FRMPD4: variants seen among roughly 807,000 people sequenced by gnomAD.
FRMPD4 encodes FERM and PDZ domain containing 4.
Under a neutral mutation model 94.1 loss-of-function variants are expected in FRMPD4, and 22 were observed. The observed-to-expected ratio is 0.23, with a 90% CI of 0.17 to 0.33. The LOEUF (loss-of-function observed/expected upper bound fraction) is 0.33. FRMPD4 is among the 10% of genes least tolerant of loss of function. The probability of loss-of-function intolerance (pLI) is 1.00; values close to 1 mark genes in which losing one functional copy is unlikely to be tolerated. For missense variants in FRMPD4, 1,111 were observed against 1,339.9 expected (o/e 0.83, Z 2.67); for synonymous variants, 631 against 548.6 (o/e 1.15, Z -2.10).
intron 1 of FRMPD4, among the ~76,000 whole-genome samples, chrX:12,400,377 G>C (rs922179167): frequency 1.8e-5 from 2 of 112,073 alleles, no homozygotes; most frequent in Admixed American, 9.4e-5. Context: ...CCAACTGGCA[G>C]AGTGCTAAGC....
chrX:12,032,327 C>T (rs1030721345), intron 3 of FRMPD4, among the ~76,000 whole-genome samples: 1 of 111,878 alleles, frequency 8.9e-6, no homozygotes, highest in Non-Finnish European at 1.9e-5. Context: ...AGAACTCCTA[C>T]GCTTGTACAG....
At position 12,300,260 on chromosome X, in the gene FRMPD4, T is replaced by C. The variant is rs1601794605; in HGVS notation, c.41+161248T>C. On this transcript the variant is annotated intron_variant, in intron 1 of 16. Coordinates refer to ENST00000675598, the MANE Select transcript of FRMPD4 (RefSeq NM_001368397.1). ...TGACAAGGAGAAGGACAATGGAAGG[T>C]GGGAAGGGCATTCTCTGACTGAGTT... Among the ~76,000 whole-genome samples, 5 of 111,484 alleles carry C rather than the reference T, an allele frequency of 4.5e-5. No individual in the cohort carries two copies. In the East Asian group the frequency reaches 1.4e-3, roughly 32 times the overall value.
At chrX:12,121,564 C>T (rs2055454458) in intron 3 of FRMPD4, among the ~76,000 whole-genome samples, 1 of 111,659 alleles carries the variant, frequency 9.0e-6, no homozygotes, top group Non-Finnish European at 1.9e-5. Flanking sequence ...TTGCATAAGG[C>T]GATCTGAGCA....
intron 4 of FRMPD4, among the ~76,000 whole-genome samples, chrX:12,625,118 A>G (rs1201459407): frequency 8.9e-6 from 1 of 111,960 alleles, no homozygotes; most frequent in Non-Finnish European, 1.9e-5. Flanking sequence ...GGCTTTTATT[A>G]AAAGACAGGC....
At chrX:11,996,091 G>T (rs755272652) in intron 3 of FRMPD4, among the ~76,000 whole-genome samples, 1 of 111,082 alleles carries the variant, frequency 9.0e-6, no homozygotes, top group East Asian at 2.8e-4. Context: ...AGATTTGGTT[G>T]TCTAGATAGG....
At chrX:12,549,706 C>T (rs922244289) in intron 2 of FRMPD4, among the ~76,000 whole-genome samples, 1 of 111,938 alleles carries the variant, frequency 8.9e-6, no homozygotes, top group African/African-American at 3.2e-5. Context: ...ACCAATAGAC[C>T]AGTATTTCCC....
chrX:12,351,086 A>C (rs1377778663), intron 1 of FRMPD4, among the ~76,000 whole-genome samples: 3 of 109,438 alleles, frequency 2.7e-5, no homozygotes, highest in Non-Finnish European at 5.7e-5. Flanking sequence ...GTGGGAGAAC[A>C]GCTTGAACCA....
chrX:12,391,736 T>TAGAGCAGGAGCTTC (rs2056477545), intron 1 of FRMPD4, among the ~76,000 whole-genome samples: 2 of 110,574 alleles, frequency 1.8e-5, no homozygotes, highest in Non-Finnish European at 3.8e-5. Flanking sequence ...CTCCTCAGGG[T>TAGAGCAGGAGCTTC]TGAGGAGCTT....
intron 1 of FRMPD4, among the ~76,000 whole-genome samples, chrX:12,434,634 A>G (rs1016434194): frequency 6.2e-5 from 7 of 112,251 alleles, no homozygotes; most frequent in African/African-American, 2.3e-4. Context: ...ACCCCTGTTT[A>G]GCTCAGACCT....
intron 4 of FRMPD4, among the ~76,000 whole-genome samples, chrX:12,654,019 C>T (rs1401642939): frequency 8.9e-6 from 1 of 112,242 alleles, no homozygotes; most frequent in Non-Finnish European, 1.9e-5. Flanking sequence ...GATTTGCCCA[C>T]CTCGGCCTCC....
intron 1 of FRMPD4, among the ~76,000 whole-genome samples, chrX:12,230,566 G>T (rs1341156879): frequency 9.1e-6 from 1 of 109,914 alleles, no homozygotes; most frequent in Non-Finnish European, 1.9e-5. Context: ...GTCAAGGTTT[G>T]GAGGGCCTCA....
At chrX:12,164,337 G>A (rs2056077474) in intron 1 of FRMPD4, among the ~76,000 whole-genome samples, 1 of 111,312 alleles carries the variant, frequency 9.0e-6, no homozygotes, top group African/African-American at 3.3e-5. Flanking sequence ...TGAGAATCAT[G>A]GTTTCCAGCT....
chrX:12,564,815 G>A (rs981993821), intron 2 of FRMPD4, among the ~76,000 whole-genome samples: 1 of 62,696 alleles, frequency 1.6e-5, no homozygotes, highest in Non-Finnish European at 2.9e-5. Flanking sequence ...GTACTACAAG[G>A]TAAGGAAATG....
At chrX:11,855,846 C>A (rs2407631) in intron 1 of FRMPD4, among the ~76,000 whole-genome samples, 11,139 of 111,753 alleles carry the variant, frequency 0.1, 594 homozygotes, top group East Asian at 0.25. Context: ...ATGGTTCCAA[C>A]CTCTGCCTGT....
chrX:11,848,188 CT>C (rs1410734911), intron 1 of FRMPD4, among the ~76,000 whole-genome samples: 9 of 110,610 alleles, frequency 8.1e-5, no homozygotes, highest in Non-Finnish European at 1.7e-4. Context: ...TAGAGAGTTT[CT>C]GTGTTTGCTG....
At chrX:12,667,257 A>C (rs2059789326) in intron 4 of FRMPD4, among the ~76,000 whole-genome samples, 1 of 112,563 alleles carries the variant, frequency 8.9e-6, no homozygotes, top group African/African-American at 3.2e-5. Flanking sequence ...TTGTACAGTT[A>C]ACTTGTTTAG....
intron 3 of FRMPD4, among the ~76,000 whole-genome samples, chrX:12,037,164 A>G (rs2054724837): frequency 9.0e-6 from 1 of 111,718 alleles, no homozygotes; most frequent in South Asian, 3.8e-4. Context: ...TAGTTCTCCA[A>G]TGTTCTCAGC....
At chrX:12,228,530 T>C (rs1375928155) in intron 1 of FRMPD4, among the ~76,000 whole-genome samples, 1 of 112,114 alleles carries the variant, frequency 8.9e-6, no homozygotes, top group African/African-American at 3.2e-5. Flanking sequence ...TGGCACTGCA[T>C]TGTATTCATC....
intron 1 of FRMPD4, among the ~76,000 whole-genome samples, chrX:11,839,247 A>C (rs966845529): frequency 8.9e-6 from 1 of 111,732 alleles, no homozygotes; most frequent in African/African-American, 3.2e-5. Flanking sequence ...AGTTTCTCCA[A>C]ATCCTTACCA....
Sources: gnomAD v4.1 joint callset for allele counts (sites outside exome capture counted in the v4.1 genomes callset) on GRCh38, gnomAD v4.1.1 for gene constraint, MANE v1.5 for transcripts, NCBI Gene and HGNC (gene_info 2026-07-23, HGNC 2026-07-21) for gene names.